Variants in FARS2 observed in about 807,000 individuals in gnomAD.
FARS2 encodes phenylalanine--tRNA ligase, mitochondrial.
Under a neutral mutation model 46.4 loss-of-function variants are expected in FARS2, and 40 were observed. The observed-to-expected ratio is 0.86, with a 90% CI of 0.67 to 1.12. FARS2 has a LOEUF of 1.12. Ranked by LOEUF, FARS2 falls within the 50% of genes most tolerant of loss-of-function variation. The probability of loss-of-function intolerance (pLI) is 0.00; values close to 1 mark genes in which losing one functional copy is unlikely to be tolerated. For missense variants in FARS2, 513 were observed against 567.9 expected, an observed-to-expected ratio of 0.90 and a Z score of 0.98; for synonymous variants, 234 against 214.9, an observed-to-expected ratio of 1.09 and a Z score of -0.78.
At chr6:5,368,519 G>A (rs1732637900) in intron 1 of FARS2, 31 bp from the exon 2 acceptor site, 2 of 1,552,988 alleles carry the variant, frequency 1.3e-6, no homozygotes, top group Non-Finnish European at 1.7e-6. Context: ...AGTGACACCT[G>A]ACTTGTGCTT....
intron 5 of FARS2, among the ~76,000 whole-genome samples, chr6:5,594,883 A>G (rs1399486501): frequency 6.6e-6 from 1 of 152,218 alleles, no homozygotes; most frequent in Non-Finnish European, 1.5e-5. Flanking sequence ...TTGCCAGTGT[A>G]TAGGAGCCGT....
chr6:5,282,829 G>A (rs1256162845), intron 1 of FARS2, among the ~76,000 whole-genome samples: 1 of 152,200 alleles, frequency 6.6e-6, no homozygotes, highest in African/African-American at 2.4e-5. Context: ...CCATTGTGAT[G>A]AGGGTGGAAA....
chr6:5,641,246 A>G (rs1395888649), intron 6 of FARS2, among the ~76,000 whole-genome samples: 1 of 151,806 alleles, frequency 6.6e-6, no homozygotes, highest in Non-Finnish European at 1.5e-5. Flanking sequence ...GTGAACCTGC[A>G]CTCTGTAAAC....
chr6:5,650,006 C>T (rs763853470), intron 6 of FARS2, among the ~76,000 whole-genome samples: 18 of 152,172 alleles, frequency 1.2e-4, no homozygotes, highest in Non-Finnish European at 2.2e-4. Context: ...AGGTGACAAT[C>T]GTATTATAGG....
intron 6 of FARS2, among the ~76,000 whole-genome samples, chr6:5,719,468 G>A (rs1415726212): frequency 1.3e-5 from 2 of 150,800 alleles, no homozygotes; most frequent in Non-Finnish European, 3.0e-5. Context: ...GAAAAGAGAA[G>A]AAAAGAAAAA....
At chr6:5,503,991 G>A (rs1767960279) in intron 4 of FARS2, among the ~76,000 whole-genome samples, 1 of 152,158 alleles carries the variant, frequency 6.6e-6, no homozygotes, top group Non-Finnish European at 1.5e-5. Flanking sequence ...TGGAGTATCA[G>A]GAAATTCAGC....
rs796749849 is a variant in FARS2, at chr6:5,632,637, TCTTCCTTC to T, written c.1217+19332_1217+19339del. ...TCCTTTCCTCCCTCCCTCCCTCCCT[TCTTCCTTC>T]CTTCCTTCCTTCCTCCCCTTTCTTA... On this transcript the variant is annotated intron_variant, in intron 6 of 6. Coordinates refer to ENST00000274680, the MANE Select transcript of FARS2 (RefSeq NM_006567.5). 2.7e-3 allele frequency among the ~76,000 whole-genome samples: 382 copies of T among 141,284 alleles called. 1 individual carries two copies. The highest frequency in any genetic ancestry group is 4.7e-3 in the Non-Finnish European group (305 of 65,206). 92.7% of individuals were successfully genotyped at this position (141,284 alleles called of 152,430 possible).
At chr6:5,424,920 G>A (rs78517203) in intron 3 of FARS2, among the ~76,000 whole-genome samples, 4 of 152,178 alleles carry the variant, frequency 2.6e-5, no homozygotes, top group African/African-American at 9.6e-5. Context: ...GCGGCTGCAC[G>A]ATTTCCCGTG....
At chr6:5,387,459 G>A (rs903618682) in intron 2 of FARS2, among the ~76,000 whole-genome samples, 4 of 152,220 alleles carry the variant, frequency 2.6e-5, no homozygotes, top group African/African-American at 9.7e-5. Flanking sequence ...TCTGTTCTCA[G>A]TAAAGAAGAG....
intron 4 of FARS2, among the ~76,000 whole-genome samples, chr6:5,515,964 G>A (rs757255596): frequency 6.6e-6 from 1 of 152,140 alleles, no homozygotes; most frequent in Non-Finnish European, 1.5e-5. Context: ...AGTTTGCTGT[G>A]TTAGGGTAAT....
At chr6:5,454,501 T>A (rs1431669037) in intron 4 of FARS2, among the ~76,000 whole-genome samples, 1 of 151,922 alleles carries the variant, frequency 6.6e-6, no homozygotes, top group Non-Finnish European at 1.5e-5. Flanking sequence ...CATGCTACCA[T>A]GCCCGGCTAA....
At chr6:5,309,126 G>T (rs1385894865) in intron 1 of FARS2, among the ~76,000 whole-genome samples, 3 of 152,190 alleles carry the variant, frequency 2.0e-5, no homozygotes, top group African/African-American at 7.2e-5. Context: ...CAGACAATGT[G>T]CTGTGTACAA....
intron 5 of FARS2, among the ~76,000 whole-genome samples, chr6:5,607,578 C>T (rs1774915798): frequency 6.6e-6 from 1 of 151,976 alleles, no homozygotes; most frequent in Non-Finnish European, 1.5e-5. Context: ...CTTGTTCCAC[C>T]ATCTCAAGCA....
chr6:5,459,313 G>A (rs1765096504), intron 4 of FARS2, among the ~76,000 whole-genome samples: 1 of 152,074 alleles, frequency 6.6e-6, no homozygotes, highest in Admixed American at 6.5e-5. Context: ...TTTGGACAGA[G>A]TTCGTTGTTA....
chr6:5,329,365 A>G (rs938433517), intron 1 of FARS2, among the ~76,000 whole-genome samples: 9 of 152,114 alleles, frequency 5.9e-5, no homozygotes, highest in East Asian at 5.8e-4. Context: ...GTATTTTTCA[A>G]TTGTCTTTTT....
chr6:5,768,635 T>C (rs1217842510), intron 6 of FARS2, among the ~76,000 whole-genome samples: 1 of 152,230 alleles, frequency 6.6e-6, no homozygotes, highest in East Asian at 1.9e-4. Context: ...TCTTCTCCAA[T>C]ACTTGTTATT....
At chr6:5,681,562 G>A (rs375451946) in intron 6 of FARS2, among the ~76,000 whole-genome samples, 37 of 152,218 alleles carry the variant, frequency 2.4e-4, no homozygotes, top group Non-Finnish European at 4.3e-4. Flanking sequence ...CTTAAAAAAC[G>A]GAAAAAGAAG....
chr6:5,627,918 G>A (rs1776114667), intron 6 of FARS2, among the ~76,000 whole-genome samples: 1 of 148,664 alleles, frequency 6.7e-6, no homozygotes, highest in Non-Finnish European at 1.5e-5. Flanking sequence ...TGACTAGGGT[G>A]GAGAATACTC....
intron 6 of FARS2, among the ~76,000 whole-genome samples, chr6:5,662,367 A>G (rs1777890807): frequency 1.3e-5 from 2 of 152,238 alleles, no homozygotes; most frequent in African/African-American, 2.4e-5. Context: ...ATGAAATCCA[A>G]CCATCATTCT....
Sources: gnomAD v4.1 joint callset for allele counts (sites outside exome capture counted in the v4.1 genomes callset) on GRCh38, gnomAD v4.1.1 for gene constraint, MANE v1.5 for transcripts, NCBI Gene and HGNC (gene_info 2026-07-23, HGNC 2026-07-21) for gene names.